Variants in MYO9B observed in about 807,000 individuals in gnomAD.
MYO9B encodes unconventional myosin-IXb.
A neutral mutation model predicts 229.5 loss-of-function variants in MYO9B; 71 were observed. The observed-to-expected ratio is 0.31, with a 90% CI of 0.26 to 0.38. The LOEUF (loss-of-function observed/expected upper bound fraction) is 0.38, where lower values mean the gene tolerates loss of function less well. Ranked by LOEUF, MYO9B falls within the 10% of genes least tolerant of loss-of-function variation. MYO9B has a pLI of 1.00. For synonymous variants in MYO9B, 1,185 were observed against 1,235.8 expected (o/e 0.96, Z 0.86); for missense variants, 2,255 against 2,920.5 (o/e 0.77, Z 5.25).
chr19:17,141,592 C>G (rs1358531909), intron 2 of MYO9B, among the ~76,000 whole-genome samples: 2 of 152,184 alleles, frequency 1.3e-5, no homozygotes, highest in Admixed American at 6.6e-5. Flanking sequence ...AAAGAGCCCC[C>G]ACCTTCCGCC....
At chr19:17,135,188 A>G (rs1329865596) in intron 2 of MYO9B, among the ~76,000 whole-genome samples, 1 of 152,150 alleles carries the variant, frequency 6.6e-6, no homozygotes, top group Non-Finnish European at 1.5e-5. Flanking sequence ...CAGAAGTGGG[A>G]TTGCTAGACC....
chr19:17,172,034 G>A lies in MYO9B; in HGVS notation c.1794-302G>A, dbSNP rs1250016671. Among the ~76,000 whole-genome samples the A allele has an allele frequency of 2.0e-5, 3 of 152,106 alleles. No individual in the cohort carries two copies. Among genetic ancestry groups the A allele is most frequent in the African/African-American group, 4.8e-5 (2 of 41,418 alleles). On this transcript the variant is annotated intron_variant, in intron 11 of 39. Transcript: ENST00000682292. The surrounding 1 kb of genome is among the most constrained non-coding windows in gnomAD (Gnocchi z 8.2). ...CCAGGCTGCAGCTATGCCAGCTGAC[G>A]CAGAGAGCAGAGTCCCAGCCCTCCA...
intron 2 of MYO9B, among the ~76,000 whole-genome samples, chr19:17,137,252 C>T (rs1417912210): frequency 1.3e-5 from 2 of 148,638 alleles, no homozygotes; most frequent in Non-Finnish European, 1.5e-5. Context: ...AAGCCAGGTG[C>T]GGTGATACAT....
chr19:17,120,205 G>C (rs1364754452), intron 2 of MYO9B, among the ~76,000 whole-genome samples: 1 of 152,336 alleles, frequency 6.6e-6, no homozygotes, highest in East Asian at 1.9e-4. Context: ...GCTCAGGGCA[G>C]TGCCTGCTGT....
chr19:17,197,947 AG>A (rs2073064536), intron 23 of MYO9B, 89 bp downstream of exon 23: 1 of 1,507,062 alleles, frequency 6.6e-7, no homozygotes, highest in African/African-American at 1.4e-5. Context: ...CCAGCTACTC[AG>A]GAGGCTGAGG....
chr19:17,181,220 GCA>G (rs1244701896), intron 15 of MYO9B, among the ~76,000 whole-genome samples, 180 bp downstream of exon 15: 1 of 152,228 alleles, frequency 6.6e-6, no homozygotes, highest in Non-Finnish European at 1.5e-5. Flanking sequence ...GCCTCTGTCT[GCA>G]CTGTGGCCCA....
intron 1 of MYO9B, among the ~76,000 whole-genome samples, chr19:17,082,391 G>A (rs1002277766): frequency 2.0e-5 from 3 of 152,102 alleles, no homozygotes; most frequent in Non-Finnish European, 2.9e-5. Flanking sequence ...GGTGGGCACC[G>A]CTGCTTCCTC....
intron 2 of MYO9B, among the ~76,000 whole-genome samples, chr19:17,111,197 C>T (rs1392412451): frequency 2.0e-5 from 3 of 152,152 alleles, no homozygotes; most frequent in African/African-American, 7.2e-5. Flanking sequence ...TCACCACATC[C>T]TGATGTGGGC....
In MYO9B at chr19:17,181,046, T is replaced by TC. The variant is rs2072854205; in HGVS notation, c.2333+11dup. On this transcript the variant is annotated splice_region_variant and intron_variant, in intron 15 of 39. Transcript: ENST00000682292. ...AAACCCCGCGCCTTCATCCTGTGAG[T>TC]CCCCCACCAAGGCCCTGCTTACAAG... 1 of 1,594,196 alleles carries TC rather than the reference T, an allele frequency of 6.3e-7. No homozygotes were observed. Among genetic ancestry groups the TC allele is most frequent in the Non-Finnish European group, 8.6e-7 (1 of 1,166,210 alleles).
chr19:17,088,543 A>T (rs1259016603), intron 1 of MYO9B, among the ~76,000 whole-genome samples: 1 of 152,082 alleles, frequency 6.6e-6, no homozygotes, highest in Non-Finnish European at 1.5e-5. Context: ...TCCCACCCCT[A>T]GGACCTGGCC....
chr19:17,125,704 C>T (rs535402144), intron 2 of MYO9B, among the ~76,000 whole-genome samples: 97 of 152,224 alleles, frequency 6.4e-4, no homozygotes, highest in African/African-American at 2.2e-3. Flanking sequence ...CTGGGACATA[C>T]GGCGTTGGGA....
chr19:17,123,417 T>G (rs1424382772), intron 2 of MYO9B, among the ~76,000 whole-genome samples: 1 of 136,186 alleles, frequency 7.3e-6, no homozygotes, highest in East Asian at 2.1e-4. Flanking sequence ...CTTTATACAG[T>G]AGAAATTTGT....
intron 14 of MYO9B, among the ~76,000 whole-genome samples, chr19:17,176,867 C>A (rs2072795794): frequency 6.6e-6 from 1 of 152,100 alleles, no homozygotes; most frequent in South Asian, 2.1e-4. Context: ...GACCAAGGGC[C>A]CTGCACGCAC....
At chr19:17,163,251 A>G in intron 10 of MYO9B, 129 bp downstream of exon 10, 1 of 1,022,694 alleles carries the variant, frequency 9.8e-7, no homozygotes, top group Non-Finnish European at 1.4e-6. Context: ...TCGCATTGTT[A>G]TGCAAACGCC....
chr19:17,207,347 C>T, intron 35 of MYO9B, 103 bp downstream of exon 35: 2 of 1,459,278 alleles, frequency 1.4e-6, no homozygotes, highest in Non-Finnish European at 1.9e-6. Context: ...AAGAAAAGTC[C>T]AGAGCCGAGT....
chr19:17,204,615 G>A (rs749623890), intron 30 of MYO9B, among the ~76,000 whole-genome samples: 3 of 151,336 alleles, frequency 2.0e-5, no homozygotes, highest in South Asian at 2.1e-4. Flanking sequence ...AGGCTGGGGC[G>A]GGAGGGTCGC....
At chr19:17,209,842 C>A in intron 36 of MYO9B, 133 bp downstream of exon 36, 1 of 1,191,136 alleles carries the variant, frequency 8.4e-7, no homozygotes, top group Non-Finnish European at 1.2e-6. Context: ...CTTGGGTGGG[C>A]AGGACCTCCC....
rs779046419 is a variant in MYO9B, at chr19:17,192,839, A to G, written c.2905A>G (p.Met969Val). 2 of 1,553,232 alleles carry G rather than the reference A, an allele frequency of 1.3e-6. No homozygotes were observed. The highest frequency in any genetic ancestry group is 3.9e-5 in the Admixed American group (2 of 51,246). The change falls in exon 21 of 40, where the codon ATG becomes GTG. Residue 969 changes from methionine to valine, a missense_variant. Met to Val is a conservative substitution (Grantham distance 21, BLOSUM62 1). Around this residue, in one of 7 missense-constraint regions of MYO9B, gnomAD observed 679 missense variants for 770.2 expected, o/e 0.88. Coordinates refer to ENST00000682292, the MANE Select transcript of MYO9B (RefSeq NM_004145.4). Reference sequence around the variant, plus strand: ...CCTGCTGCTGCAGAGCTGGTTCCGGATGGTGCTGGAGCGTCGGCACTTCCT... The same window carrying G: ...CCTGCTGCTGCAGAGCTGGTTCCGGGTGGTGCTGGAGCGTCGGCACTTCCT... ...KILLLQSWFR[M>V]VLERRHFLQM...
At chr19:17,186,180 AG>A (rs2072917598) in intron 18 of MYO9B, among the ~76,000 whole-genome samples, 179 bp downstream of exon 18, 1 of 152,172 alleles carries the variant, frequency 6.6e-6, no homozygotes, top group African/African-American at 2.4e-5. Flanking sequence ...ATTTAAGAGC[AG>A]GGACATCATC....
Sources: gnomAD v4.1 joint callset for allele counts (sites outside exome capture counted in the v4.1 genomes callset) on GRCh38, gnomAD v4.1.1 for gene constraint, gnomAD v4.1.1 regional missense constraint, Gnocchi (gnomAD v3.1) non-coding constraint, MANE v1.5 for transcripts, NCBI Gene and HGNC (gene_info 2026-07-23, HGNC 2026-07-21) for gene names.